Variants in P3H2 observed in about 807,000 individuals in gnomAD.
The protein encoded by P3H2 is leprecan-like 1.
In P3H2, 80 loss-of-function variants were observed where a neutral mutation model predicts 87.0. That is an observed-to-expected ratio of 0.92 (90% CI 0.77 to 1.11). The LOEUF is 1.11. Among genes scored for constraint, P3H2 ranks in the 50% least tolerant of loss-of-function variants. The pLI is 0.00. For missense variants in P3H2, 1,001 were observed against 923.9 expected (o/e 1.08, Z -1.08); for synonymous variants, 367 against 359.3 (o/e 1.02, Z -0.24).
Position 189,957,744 on chromosome 3 carries a change from A to G in P3H2, c.*168T>C. 1.6e-6 allele frequency: 1 copy of G among 626,352 alleles called. No homozygotes were observed. The highest frequency in any genetic ancestry group is 2.8e-6 in the Non-Finnish European group (1 of 355,942). The allele number at this position is 626,352 out of a possible 1,614,324, so 38.8% of individuals were successfully genotyped here. ...AGAGAGAAAACAACCCAAAACAAGA[A>G]AGATAGATTGATAGATTGAGGCAAC... On this transcript the variant is annotated 3_prime_UTR_variant, in exon 15 of 15. Coordinates refer to ENST00000319332, the MANE Select transcript of P3H2 (RefSeq NM_018192.4).
chr3:190,015,917 A>G (rs7637975), intron 1 of P3H2, among the ~76,000 whole-genome samples: 79,608 of 151,840 alleles, frequency 0.52, 21,318 homozygotes, highest in South Asian at 0.58. Context: ...AAATTTGTGC[A>G]TGTGTGCATG....
rs752757047 is a variant in P3H2 at position 189,970,823 on chromosome 3, G to A, written c.1886C>T (p.Thr629Ile). 8.9e-6 allele frequency: 14 copies of A among 1,573,778 alleles called. No homozygotes were observed. Among genetic ancestry groups the A allele is most frequent in the Non-Finnish European group, 1.1e-5 (13 of 1,143,642 alleles). ...AAGAATAGGTTTACTTACAGTCACA[G>A]TCTTAGCATCCATCTCTGTGAATAT... Reference protein sequence around the residue: ...EFIFTEMDAKTVTASIKPKCG... With the variant: ...EFIFTEMDAKIVTASIKPKCG... The change falls in exon 13 of 15, where the codon ACT (threonine) becomes ATT (isoleucine). Residue 629 changes from threonine to isoleucine, a missense_variant. Transcript: ENST00000319332.
At chr3:190,086,853 C>G (rs1056769355) in intron 1 of P3H2, among the ~76,000 whole-genome samples, 1 of 152,142 alleles carries the variant, frequency 6.6e-6, no homozygotes, top group Non-Finnish European at 1.5e-5. Flanking sequence ...CAAGTATTTT[C>G]CCCAAAAGAT....
At chr3:190,012,876 C>T (rs555610060) in intron 1 of P3H2, among the ~76,000 whole-genome samples, 2 of 152,244 alleles carry the variant, frequency 1.3e-5, no homozygotes, top group South Asian at 4.1e-4. Flanking sequence ...AAAAACTCAT[C>T]TGTATAAAAA....
chr3:189,987,197 A>G (rs1723727136), intron 5 of P3H2, among the ~76,000 whole-genome samples: 1 of 152,196 alleles, frequency 6.6e-6, no homozygotes, highest in South Asian at 2.1e-4. Flanking sequence ...TTTTCAGGCC[A>G]GGCGCGGTGG....
intron 3 of P3H2, among the ~76,000 whole-genome samples, chr3:189,993,194 T>C (rs536837439): frequency 4.5e-4 from 68 of 152,006 alleles, no homozygotes; most frequent in African/African-American, 1.6e-3. Context: ...TGGTGGTGCA[T>C]GCCTGTAATC....
chr3:189,986,430 CA>C (rs529618300), intron 6 of P3H2, among the ~76,000 whole-genome samples: 1 of 150,730 alleles, frequency 6.6e-6, no homozygotes, highest in Non-Finnish European at 1.5e-5. Context: ...ACTAAAAATA[CA>C]AAAAAAAATT....
chr3:190,078,354 G>A (rs903000218), intron 1 of P3H2, among the ~76,000 whole-genome samples: 4 of 152,176 alleles, frequency 2.6e-5, no homozygotes. Context: ...GGTCATTTTA[G>A]CAGTTTTTAC....
intron 1 of P3H2, among the ~76,000 whole-genome samples, chr3:190,010,188 A>C (rs1724541959): frequency 6.6e-6 from 1 of 152,236 alleles, no homozygotes; most frequent in African/African-American, 2.4e-5. Flanking sequence ...TTAAGTCATC[A>C]TCATGTGTAG....
intron 1 of P3H2, among the ~76,000 whole-genome samples, chr3:190,052,538 GCTT>G (rs1560380247): frequency 9.3e-6 from 1 of 107,804 alleles, no homozygotes; most frequent in Non-Finnish European, 2.5e-5. Flanking sequence ...CTTTCTCCAT[GCTT>G]AGCACTGTTC....
At chr3:190,070,470 A>C (rs188343986) in intron 1 of P3H2, among the ~76,000 whole-genome samples, 1 of 152,230 alleles carries the variant, frequency 6.6e-6, no homozygotes, top group East Asian at 1.9e-4. Context: ...AAAAATGTGA[A>C]AGTGTCCTTC....
chr3:190,110,394 G>C (rs1250570696), intron 1 of P3H2, among the ~76,000 whole-genome samples: 1 of 152,156 alleles, frequency 6.6e-6, no homozygotes, highest in African/African-American at 2.4e-5. Context: ...AGCCAAGGCT[G>C]AGAAACCCGG....
At chr3:190,050,046 G>A (rs910700234) in intron 1 of P3H2, among the ~76,000 whole-genome samples, 1 of 152,162 alleles carries the variant, frequency 6.6e-6, no homozygotes, top group African/African-American at 2.4e-5. Flanking sequence ...TACAAGGGTG[G>A]TAATTTGCAG....
chr3:189,957,726 A>AGAGAGAGAG lies in P3H2; in HGVS notation c.*185_*186insCTCTCTCTC. Reference sequence around the variant, plus strand: ...AGAGAGAGAGAGAGAGAGAGAGAGAAAACAACCCAAAACAAGAAAGATAGA... The same window carrying AGAGAGAGAG: ...AGAGAGAGAGAGAGAGAGAGAGAGAAGAGAGAGAGAACAACCCAAAACAAGAAAGATAGA... On this transcript the variant is annotated 3_prime_UTR_variant, in exon 15 of 15. Coordinates refer to ENST00000319332, the MANE Select transcript of P3H2 (RefSeq NM_018192.4). The AGAGAGAGAG allele has an allele frequency of 1.9e-6, 1 of 528,392 alleles. No homozygotes were observed. Among genetic ancestry groups the AGAGAGAGAG allele is most frequent in the Non-Finnish European group, 3.4e-6 (1 of 296,004 alleles). The allele number at this position is 528,392 out of a possible 1,614,324, so 32.7% of individuals were successfully genotyped here.
Position 190,084,957 on chromosome 3 carries a change from A to AG in P3H2, c.480+35294_480+35295insC, listed in dbSNP as rs1362169958. Among the ~76,000 whole-genome samples the AG allele has an allele frequency of 8.1e-3, 1,234 of 152,130 alleles. 7 individuals are homozygous for AG. The highest frequency in any genetic ancestry group is 0.013 in the Non-Finnish European group (894 of 67,996). ...AGAGCTAAGAGAAACAAACAAAAAAAAAAAAGAAAGAAAGAAAACTAACTA... is the reference window on the plus strand; with the variant it reads ...AGAGCTAAGAGAAACAAACAAAAAAAGAAAAAGAAAGAAAGAAAACTAACTA... On this transcript the variant is annotated intron_variant, in intron 1 of 14. Coordinates refer to ENST00000319332, the MANE Select transcript of P3H2 (RefSeq NM_018192.4).
intron 1 of P3H2, among the ~76,000 whole-genome samples, chr3:190,098,975 A>C (rs1260768413): frequency 6.6e-6 from 1 of 152,054 alleles, no homozygotes; most frequent in Non-Finnish European, 1.5e-5. Context: ...AACGCTGTTT[A>C]CTTTTATTAC....
chr3:190,113,904 C>T (rs1440837132), intron 1 of P3H2, among the ~76,000 whole-genome samples: 1 of 151,760 alleles, frequency 6.6e-6, no homozygotes, highest in East Asian at 2.0e-4. Flanking sequence ...GGTGAAACCC[C>T]GTCTCTACTA....
At position 189,973,004 on chromosome 3, in the gene P3H2, G is replaced by T. The variant is rs1723221579; in HGVS notation, c.1569C>A (p.Val523=). The change falls in exon 11 of 15, where the codon GTC becomes GTA. Residue 523 remains valine, a synonymous_variant. Transcript: ENST00000319332. ...KALKSGYEGR[V]PLKSARLFYD... is the part of the protein sequence containing the mutation. ...AAAACAGACGAGCGCTCTTCAGTGG[G>T]ACTCGACCTTCATAACCAGACTGAA... 6.2e-7 allele frequency: 1 copy of T among 1,610,632 alleles called. No individual in the cohort carries two copies. Among genetic ancestry groups the T allele is most frequent in the South Asian group, 1.1e-5 (1 of 90,872 alleles).
chr3:190,083,243 C>T (rs1727109477), intron 1 of P3H2, among the ~76,000 whole-genome samples: 1 of 152,114 alleles, frequency 6.6e-6, no homozygotes, highest in Non-Finnish European at 1.5e-5. Context: ...ACGGGAAAGA[C>T]CTGCAGAAGG....
Sources: allele counts gnomAD v4.1 joint callset (sites outside exome capture counted in the v4.1 genomes callset), GRCh38; gene constraint gnomAD v4.1.1; transcripts MANE v1.5; gene names NCBI Gene and HGNC (gene_info 2026-07-23, HGNC 2026-07-21).